Variants in NBEAL2 observed in about 807,000 individuals in gnomAD.
The protein encoded by NBEAL2 is neurobeachin like 2, also known as neurobeachin-like protein 2.
NBEAL2 carries 160 observed loss-of-function variants against 299.8 expected under a neutral mutation model. The observed-to-expected ratio is 0.53, with a 90% CI of 0.47 to 0.61. The LOEUF (loss-of-function observed/expected upper bound fraction) is 0.61. NBEAL2 is among the 20% of genes least tolerant of loss of function. The pLI, the probability that NBEAL2 is intolerant of heterozygous loss-of-function variation, is 0.00. For synonymous variants in NBEAL2, 1,493 were observed against 1,542.3 expected (o/e 0.97, Z 0.75); for missense variants, 3,112 against 3,649.0 (o/e 0.85, Z 3.79).
In NBEAL2 at chr3:46,989,449, G is replaced by T; in HGVS notation, c.474-62G>T. 6.4e-7 allele frequency: 1 copy of T among 1,564,988 alleles called. No individual in the cohort carries two copies. Among genetic ancestry groups the T allele is most frequent in the East Asian group, 2.4e-5 (1 of 41,880 alleles). ...GAGAGGATGGCCGCGCTGGGCCCAA[G>T]GAGGGGTGACGGCCAGGAGTGGTGA... On this transcript the variant is annotated intron_variant, in intron 5 of 53. Coordinates refer to ENST00000450053, the MANE Select transcript of NBEAL2 (RefSeq NM_015175.3). This position sits in a 1 kb window ranked among gnomAD's most constrained non-coding sequence, Gnocchi z 5.5.
At position 47,002,532 on chromosome 3, in the gene NBEAL2, G is replaced by C. The variant is rs370658699; in HGVS notation, c.5301+12G>C. On this transcript the variant is annotated intron_variant, in intron 32 of 53. Coordinates refer to ENST00000450053, the MANE Select transcript of NBEAL2 (RefSeq NM_015175.3). ...GTCGGGCCTTCCAGGTGTGCCACCC[G>C]GGGTAAGGGATGGGAAACTGCTCCA... The C allele has an allele frequency of 2.3e-5, 37 of 1,611,680 alleles. No individual in the cohort carries two copies. The highest frequency in any genetic ancestry group is 3.0e-5 in the Non-Finnish European group (35 of 1,179,468).
intron 1 of NBEAL2, among the ~76,000 whole-genome samples, chr3:46,981,433 T>G (rs2035329006): frequency 6.6e-6 from 1 of 151,680 alleles, no homozygotes; most frequent in South Asian, 2.1e-4. Context: ...AGAGTGAGAC[T>G]CCGTCTCAAA....
At position 47,001,341 on chromosome 3, in the gene NBEAL2, T is replaced by C; in HGVS notation, c.4547T>C (p.Leu1516Pro). ...TDIKEAPVGV[L>P]ASLTQQALWL... ...ATCAAAGAGGCCCCCGTGGGGGTCC[T>C]GGCCAGCCTCACCCAGCAAGCGCTT... Residue 1516 changes from leucine to proline, a missense_variant, in exon 29 of 54, where the codon CTG becomes CCG. Leu to Pro is a moderately conservative substitution (Grantham distance 98). Around this residue, in one of 3 missense-constraint regions of NBEAL2, gnomAD observed 2,243 missense variants for 2,538.1 expected, o/e 0.88. Coordinates refer to ENST00000450053, the MANE Select transcript of NBEAL2 (RefSeq NM_015175.3). This position sits in a 1 kb window ranked among gnomAD's most constrained non-coding sequence, Gnocchi z 6.1. 1.2e-6 allele frequency: 2 copies of C among 1,613,268 alleles called. No homozygotes were observed. Among genetic ancestry groups the C allele is most frequent in the South Asian group, 1.1e-5 (1 of 91,084 alleles).
At chr3:47,007,188 C>A (rs540896574) in intron 46 of NBEAL2, 33 bp downstream of exon 46, 5 of 1,611,250 alleles carry the variant, frequency 3.1e-6, no homozygotes, top group East Asian at 2.2e-5. Context: ...CAGCTCAGCT[C>A]CACTCCCCCT....
At position 47,004,940 on chromosome 3, in the gene NBEAL2, C is replaced by T; in HGVS notation, c.6295-32C>T. On this transcript the variant is annotated intron_variant, in intron 38 of 53. Coordinates refer to ENST00000450053, the MANE Select transcript of NBEAL2 (RefSeq NM_015175.3). The surrounding 1 kb of genome is among the most constrained non-coding windows in gnomAD (Gnocchi z 5.0). ...GGTGGGCTGGTAGGCCATCAGGGCC[C>T]TCATGCAGCCCCTGCTCGGGTGGGT... is the stretch of plus-strand genomic sequence containing the variant. The T allele has an allele frequency of 6.3e-7, 1 of 1,586,252 alleles. No individual in the cohort carries two copies. Among genetic ancestry groups the T allele is most frequent in the Non-Finnish European group, 8.6e-7 (1 of 1,166,648 alleles).
At chr3:46,993,819 G>T in intron 10 of NBEAL2, 118 bp from the exon 11 acceptor site, 1 of 871,432 alleles carries the variant, frequency 1.1e-6, no homozygotes, top group Non-Finnish European at 1.8e-6. Context: ...CAGAGTTGCT[G>T]ATCCAGCACA....
rs1575619602 is a variant in NBEAL2 at position 47,003,701 on chromosome 3, C to T, written c.5721-115C>T. On this transcript the variant is annotated intron_variant, in intron 35 of 53. Transcript: ENST00000450053. This position sits in a 1 kb window ranked among gnomAD's most constrained non-coding sequence, Gnocchi z 7.0. ...TGGACCCTAGGCAGCCCCTCCCCAT[C>T]TCTGGGAGTCATGAGAGTATATACC... 7.4e-7 allele frequency: 1 copy of T among 1,342,664 alleles called. No individual in the cohort carries two copies. Among genetic ancestry groups the T allele is most frequent in the East Asian group, 2.5e-5 (1 of 39,334 alleles). 83.2% of individuals were successfully genotyped at this position (1,342,664 alleles called of 1,614,324 possible). A position where few individuals can be genotyped will look rare whatever the true frequency, so the allele number is the denominator to read the frequency against.
intron 1 of NBEAL2, among the ~76,000 whole-genome samples, 157 bp downstream of exon 1, chr3:46,980,069 T>G: frequency 6.6e-6 from 1 of 151,186 alleles, no homozygotes; most frequent in Non-Finnish European, 1.5e-5. Flanking sequence ...CGCACACACG[T>G]GTGTGCCCCC....
intron 6 of NBEAL2, among the ~76,000 whole-genome samples, chr3:46,990,913 G>A (rs1575591610): frequency 6.6e-6 from 1 of 152,322 alleles, no homozygotes; most frequent in East Asian, 1.9e-4. Context: ...GGAAGGGTAT[G>A]TGCTCATGCT....
Position 47,009,341 on chromosome 3 carries a change from C to T in NBEAL2, c.*21C>T, listed in dbSNP as rs780772398. The T allele has an allele frequency of 3.8e-6, 6 of 1,564,284 alleles. No individual in the cohort carries two copies. The highest frequency in any genetic ancestry group is 5.2e-6 in the Non-Finnish European group (6 of 1,154,384). On this transcript the variant is annotated 3_prime_UTR_variant, in exon 54 of 54. Coordinates refer to ENST00000450053, the MANE Select transcript of NBEAL2 (RefSeq NM_015175.3). ...GCTGAACCTGGCCAGTCCGGCTGCT[C>T]GGGCCCCGCCCCCGGCAGGCCTGGC...
rs1467104405 is a variant in NBEAL2, at chr3:47,004,376, G to A, written c.6181G>A (p.Ala2061Thr). 12 of 1,593,782 alleles carry A rather than the reference G, an allele frequency of 7.5e-6. No homozygotes were observed. Among genetic ancestry groups the A allele is most frequent in the Non-Finnish European group, 1.0e-5 (12 of 1,168,018 alleles). The change falls in exon 37 of 54, where the codon GCC becomes ACC. Residue 2061 changes from alanine to threonine, a missense_variant. Physicochemically the swap from Ala to Thr is moderately conservative, Grantham distance 58. Transcript: ENST00000450053. The surrounding 1 kb of genome is among the most constrained non-coding windows in gnomAD (Gnocchi z 5.0). ...SSRSPQEMLR[A>T]SGLTQKWVQR... is the part of the protein sequence containing the mutation. Reference sequence around the variant, plus strand: ...CCGCTCCCCCCAGGAGATGCTGCGTGCCTCAGGCCTTACCCAGGTGAGAGC... The same window carrying A: ...CCGCTCCCCCCAGGAGATGCTGCGTACCTCAGGCCTTACCCAGGTGAGAGC...
At position 46,989,668 on chromosome 3, in the gene NBEAL2, C is replaced by G; in HGVS notation, c.556+75C>G. ...CCTTCCTGTCGTTCCTTGATCCTGC[C>G]ATACACAGGAACCACTTGGTGGTGG... On this transcript the variant is annotated intron_variant, in intron 6 of 53. Coordinates refer to ENST00000450053, the MANE Select transcript of NBEAL2 (RefSeq NM_015175.3). The surrounding 1 kb of genome is among the most constrained non-coding windows in gnomAD (Gnocchi z 5.5). 4.5e-6 allele frequency: 6 copies of G among 1,330,376 alleles called. No homozygotes were observed. The highest frequency in any genetic ancestry group is 6.3e-6 in the Non-Finnish European group (6 of 946,686). The allele number at this position is 1,330,376 out of a possible 1,614,324, so 82.4% of individuals were successfully genotyped here. A position where few individuals can be genotyped will look rare whatever the true frequency, so the allele number is the denominator to read the frequency against.
chr3:47,002,727 A>G lies in NBEAL2; in HGVS notation c.5384A>G (p.Gln1795Arg). ...GCAGTGCTGAAGCAGCAGGCAACGCAGCACTCCATGGCCCTGCTGCACTGG... is the reference window on the plus strand; with the variant it reads ...GCAGTGCTGAAGCAGCAGGCAACGCGGCACTCCATGGCCCTGCTGCACTGG... The part of the protein sequence containing the change: ...YTAVLKQQAT[Q>R]HSMALLHWGA... Residue 1795 changes from glutamine (Q) to arginine (R), a missense_variant, in exon 33 of 54, where the codon CAG (glutamine) becomes CGG (arginine). Physicochemically the swap from Gln to Arg is conservative, Grantham distance 43. This residue lies in a region of NBEAL2 where 2,243 missense variants were observed against 2,538.1 expected (regional missense o/e 0.88). Coordinates refer to ENST00000450053, the MANE Select transcript of NBEAL2 (RefSeq NM_015175.3). 1 of 1,592,612 alleles carries G rather than the reference A, an allele frequency of 6.3e-7. No homozygotes were observed. Among genetic ancestry groups the G allele is most frequent in the Non-Finnish European group, 8.5e-7 (1 of 1,172,696 alleles).
chr3:47,006,583 A>C (rs1344828617), intron 45 of NBEAL2, 134 bp downstream of exon 45: 1 of 896,926 alleles, frequency 1.1e-6, no homozygotes, highest in Non-Finnish European at 1.8e-6. Context: ...AAATGAGCTA[A>C]ACATGGGAAG....
intron 1 of NBEAL2, chr3:46,987,945 C>A: frequency 1.6e-6 from 2 of 1,241,906 alleles, no homozygotes; most frequent in Non-Finnish European, 2.1e-6. Context: ...CGTGACTCTG[C>A]GCTTCCTGCC....
Position 46,996,548 on chromosome 3 carries a change from A to G in NBEAL2, c.2429A>G (p.His810Arg). ...GAGCTGGGGGCTGTGGCCATCTTTC[A>G]CGAAGCCCTGCAGGCGACGGCTCTG... ...EGELGAVAIF[H>R]EALQATALRT... Residue 810 changes from histidine to arginine, a missense_variant, in exon 16 of 54, where the codon CAC becomes CGC. Coordinates refer to ENST00000450053, the MANE Select transcript of NBEAL2 (RefSeq NM_015175.3). 6.5e-7 allele frequency: 1 copy of G among 1,543,538 alleles called. No individual in the cohort carries two copies. The highest frequency in any genetic ancestry group is 8.8e-7 in the Non-Finnish European group (1 of 1,142,360).
intron 1 of NBEAL2, chr3:46,981,788 G>C (rs2035362264): frequency 6.6e-6 from 1 of 152,198 alleles, no homozygotes. Context: ...GGAGTGTCTT[G>C]GTATCTCCCA....
chr3:46,990,806 T>C (rs1410754848), intron 6 of NBEAL2, among the ~76,000 whole-genome samples: 1 of 151,606 alleles, frequency 6.6e-6, no homozygotes, highest in Non-Finnish European at 1.5e-5. Flanking sequence ...TACAGCAGAG[T>C]CCCCAGAGCA....
In NBEAL2 at chr3:46,992,460, C is replaced by T. The variant is rs375056090; in HGVS notation, c.1033-15C>T. On this transcript the variant is annotated splice_polypyrimidine_tract_variant and intron_variant, in intron 9 of 53. Transcript: ENST00000450053. ...CTTTGCCTCCTCCACCCTGTGCCTC[C>T]CCACTTCCCCACAGCTGTACCTGCA... The T allele has an allele frequency of 3.7e-6, 6 of 1,600,478 alleles. No homozygotes were observed. The highest frequency in any genetic ancestry group is 1.3e-5 in the African/African-American group (1 of 74,426).
Sources: allele counts gnomAD v4.1 joint callset (sites outside exome capture counted in the v4.1 genomes callset), GRCh38; gene constraint gnomAD v4.1.1; regional missense constraint gnomAD v4.1.1; non-coding constraint Gnocchi (gnomAD v3.1); transcripts MANE v1.5; gene names NCBI Gene and HGNC (gene_info 2026-07-23, HGNC 2026-07-21).